Variants in RB1 observed in about 807,000 individuals in gnomAD.
The protein encoded by RB1 is RB transcriptional corepressor 1, also known as retinoblastoma-associated protein.
A neutral mutation model predicts 135.4 loss-of-function variants in RB1; 18 were observed. The observed-to-expected ratio is 0.13, with a 90% CI of 0.09 to 0.20. The LOEUF (loss-of-function observed/expected upper bound fraction) is 0.20, where lower values mean the gene tolerates loss of function less well. RB1 is among the 10% of genes least tolerant of loss of function. The pLI is 1.00. For missense variants in RB1, 868 were observed against 1,110.0 expected, an observed-to-expected ratio of 0.78 and a Z score of 3.10; for synonymous variants, 365 against 373.2, an observed-to-expected ratio of 0.98 and a Z score of 0.25.
At chr13:48,370,308 G>A (rs865820407) in intron 11 of RB1, among the ~76,000 whole-genome samples, 1 of 152,150 alleles carries the variant, frequency 6.6e-6, no homozygotes, top group East Asian at 1.9e-4. Context: ...CAAGAAACAA[G>A]CAATCAGTTC....
chr13:48,439,968 A>G (rs1949220830), intron 17 of RB1, among the ~76,000 whole-genome samples: 2 of 152,198 alleles, frequency 1.3e-5, no homozygotes, highest in Admixed American at 6.5e-5. Context: ...AGATACATGC[A>G]TACATATATA....
At position 48,480,398 on chromosome 13, in the gene RB1, G is replaced by T. The variant is rs1593550094; in HGVS notation, c.*327G>T. 5.6e-6 allele frequency: 2 copies of T among 359,778 alleles called. No individual in the cohort carries two copies. The highest frequency in any genetic ancestry group is 4.4e-5 in the East Asian group (1 of 22,672). The allele number at this position is 359,778 out of a possible 1,614,324, so 22.3% of individuals were successfully genotyped here. A position where few individuals can be genotyped will look rare whatever the true frequency, so the allele number is the denominator to read the frequency against. On this transcript the variant is annotated 3_prime_UTR_variant, in exon 27 of 27. Transcript: ENST00000267163. ...TAGAGTGGGAGTCCTGATAACCCAG[G>T]CCTGTCTGACTACTTTGCCTTCTTT...
chr13:48,459,579 A>G, intron 19 of RB1, 109 bp from the exon 20 acceptor site: 1 of 1,157,976 alleles, frequency 8.6e-7, no homozygotes, highest in Non-Finnish European at 1.3e-6. Context: ...GGTTTCTGTT[A>G]AAATGCTACT....
chr13:48,329,941 T>G (rs1952318597), intron 2 of RB1, among the ~76,000 whole-genome samples: 1 of 152,034 alleles, frequency 6.6e-6, no homozygotes, highest in African/African-American at 2.4e-5. Flanking sequence ...ATAAAACAAG[T>G]ATTAATATAT....
At chr13:48,324,742 G>C (rs1325997601) in intron 2 of RB1, among the ~76,000 whole-genome samples, 2 of 151,878 alleles carry the variant, frequency 1.3e-5, no homozygotes, top group Non-Finnish European at 2.9e-5. Context: ...TGGGATTGCT[G>C]TATCATATGG....
At chr13:48,396,979 A>T (rs1469076880) in intron 17 of RB1, among the ~76,000 whole-genome samples, 1 of 152,216 alleles carries the variant, frequency 6.6e-6, no homozygotes, top group Non-Finnish European at 1.5e-5. Flanking sequence ...GGTGATCATT[A>T]AAAAGTCAGG....
intron 6 of RB1, among the ~76,000 whole-genome samples, chr13:48,358,458 T>A (rs914122302): frequency 6.6e-6 from 1 of 152,142 alleles, no homozygotes; most frequent in Non-Finnish European, 1.5e-5. Context: ...ATTTTTATTA[T>A]ATCTGCTTTT....
rs773291130 is a variant in RB1, at chr13:48,412,022, C to G, written c.1695+30579C>G. 55 of 1,612,700 alleles carry G rather than the reference C, an allele frequency of 3.4e-5. No individual in the cohort carries two copies. Among genetic ancestry groups the G allele is most frequent in the Non-Finnish European group, 4.4e-5 (52 of 1,179,390 alleles). ...TTAACCACACGCCAGTGCAAACAAT[C>G]TTTGCATTTCTTTTGGTTCTTAGAG... On this transcript the variant is annotated intron_variant, in intron 17 of 26. Coordinates refer to ENST00000267163, the MANE Select transcript of RB1 (RefSeq NM_000321.3).
chr13:48,449,594 CA>C (rs928846380), intron 17 of RB1, among the ~76,000 whole-genome samples: 39 of 151,934 alleles, frequency 2.6e-4, no homozygotes, highest in Non-Finnish European at 5.2e-4. Context: ...CCTGTCTCTA[CA>C]AAAAAAATTT....
At chr13:48,374,812 A>G (rs377048086) in intron 12 of RB1, among the ~76,000 whole-genome samples, 11 of 152,182 alleles carry the variant, frequency 7.2e-5, no homozygotes, top group African/African-American at 2.6e-4. Flanking sequence ...CTTGGAAACT[A>G]TATGATCTTT....
chr13:48,480,336 TA>T lies in RB1; in HGVS notation c.*269del. On this transcript the variant is annotated 3_prime_UTR_variant, in exon 27 of 27. Transcript: ENST00000267163. ...TAGCAGATTGTTTCCTCTTCCAAAG[TA>T]AAATTGCTGTGCTTTATGGATAGTA... The T allele has an allele frequency of 1.9e-6, 1 of 516,462 alleles. No homozygotes were observed. The highest frequency in any genetic ancestry group is 3.3e-5 in the East Asian group (1 of 30,398). 32.0% of individuals were successfully genotyped at this position (516,462 alleles called of 1,614,324 possible).
intron 17 of RB1, among the ~76,000 whole-genome samples, chr13:48,431,497 G>A (rs1949129192): frequency 6.6e-6 from 1 of 152,156 alleles, no homozygotes. Flanking sequence ...CAAAGGTAAG[G>A]AAGAATTATT....
chr13:48,385,666 G>C (rs1023197560), intron 17 of RB1, among the ~76,000 whole-genome samples: 1 of 152,098 alleles, frequency 6.6e-6, no homozygotes, highest in Non-Finnish European at 1.5e-5. Context: ...AATAATTCCT[G>C]TGTGTCACAG....
chr13:48,308,129 A>T (rs1333484885), intron 2 of RB1, among the ~76,000 whole-genome samples: 2 of 151,698 alleles, frequency 1.3e-5, no homozygotes, highest in South Asian at 2.1e-4. Flanking sequence ...GTATAGATGT[A>T]TATGTTTAAT....
chr13:48,376,488 ACACTT>A (rs1296116142), intron 12 of RB1, among the ~76,000 whole-genome samples: 1 of 147,292 alleles, frequency 6.8e-6, no homozygotes, highest in African/African-American at 2.6e-5. Flanking sequence ...CGACAGAGTG[ACACTT>A]CATCTCAAAA....
In RB1 at chr13:48,306,623, C is replaced by A. The variant is rs4151426; in HGVS notation, c.138-657C>A. 5.5e-3 allele frequency among the ~76,000 whole-genome samples: 836 copies of A among 152,228 alleles called. 5 individuals are homozygous for A. The highest frequency in any genetic ancestry group is 0.01 in the Middle Eastern group (3 of 294). ...AGATGAGAATACTTATCTAAAAGGG[C>A]TGATGTCGGGATTCAGTGAAACCAT... On this transcript the variant is annotated intron_variant, in intron 1 of 26. Coordinates refer to ENST00000267163, the MANE Select transcript of RB1 (RefSeq NM_000321.3).
intron 24 of RB1, 135 bp downstream of exon 24, chr13:48,473,525 G>T: frequency 4.3e-6 from 3 of 694,378 alleles, no homozygotes; most frequent in South Asian, 1.8e-5. Context: ...AATTTTATGA[G>T]ATATATATAT....
At chr13:48,324,684 A>G (rs1952269998) in intron 2 of RB1, among the ~76,000 whole-genome samples, 1 of 152,150 alleles carries the variant, frequency 6.6e-6, no homozygotes, top group Admixed American at 6.5e-5. Flanking sequence ...GAATGCAGAT[A>G]TCTCTTTGAT....
chr13:48,399,350 A>G (rs1948673216), intron 17 of RB1, among the ~76,000 whole-genome samples: 1 of 152,054 alleles, frequency 6.6e-6, no homozygotes, highest in Non-Finnish European at 1.5e-5. Flanking sequence ...TTAGGAATAA[A>G]TATTTTATAG....
Sources: gnomAD v4.1 joint callset for allele counts (sites outside exome capture counted in the v4.1 genomes callset) on GRCh38, gnomAD v4.1.1 for gene constraint, MANE v1.5 for transcripts, NCBI Gene and HGNC (gene_info 2026-07-23, HGNC 2026-07-21) for gene names.